Variants in RAB6A observed in about 807,000 individuals in gnomAD.
RAB6A encodes RAB6A, member RAS oncogene family.
Under a neutral mutation model 32.3 loss-of-function variants are expected in RAB6A, and 8 were observed. The ratio of observed to expected loss-of-function variants is 0.25; its 90% CI spans 0.15 to 0.45. The LOEUF is 0.45. RAB6A is among the 20% of genes least tolerant of loss of function. RAB6A has a pLI of 1.00. For synonymous variants in RAB6A, 73 were observed against 82.1 expected (o/e 0.89, Z 0.60); for missense variants, 104 against 249.4 (o/e 0.42, Z 3.93).
intron 5 of RAB6A, among the ~76,000 whole-genome samples, chr11:73,713,172 C>T (rs563434665): frequency 5.3e-5 from 8 of 152,322 alleles, no homozygotes; most frequent in Middle Eastern, 3.4e-3. Flanking sequence ...TAATAACCTC[C>T]AAACTTCTAA....
intron 1 of RAB6A, among the ~76,000 whole-genome samples, chr11:73,736,505 G>C (rs1265145698): frequency 1.3e-5 from 2 of 150,512 alleles, no homozygotes; most frequent in Non-Finnish European, 3.0e-5. Flanking sequence ...AACAAGTACA[G>C]TTGGCCAGGC....
chr11:73,717,278 T>C (rs1946066229), intron 4 of RAB6A, among the ~76,000 whole-genome samples: 1 of 152,232 alleles, frequency 6.6e-6, no homozygotes, highest in Admixed American at 6.5e-5. Context: ...AGTAACAGTA[T>C]TACTAGTCCA....
At position 73,692,618 on chromosome 11, in the gene RAB6A, G is replaced by T. The variant is rs182045925; in HGVS notation, c.496-12898C>A. Among the ~76,000 whole-genome samples the T allele has an allele frequency of 2.6e-3, 394 of 150,790 alleles. 1 individual carries two copies. Among genetic ancestry groups the T allele is most frequent in the African/African-American group, 9.2e-3 (377 of 41,042 alleles). On this transcript the variant is annotated intron_variant, in intron 6 of 7. Coordinates refer to ENST00000336083, the MANE Select transcript of RAB6A (RefSeq NM_198896.2). ...CATGCATAAGAGGGTTACAGTGAGG[G>T]AAAACTCTGACTAAATTAGATGAAC...
At chr11:73,690,377 CCTGT>C (rs1381639051) in intron 6 of RAB6A, among the ~76,000 whole-genome samples, 3 of 152,094 alleles carry the variant, frequency 2.0e-5, no homozygotes, top group Non-Finnish European at 2.9e-5. Context: ...TCTTCTTCCT[CCTGT>C]CTAATAAAAT....
chr11:73,753,854 T>C (rs998227515), intron 1 of RAB6A, among the ~76,000 whole-genome samples: 1 of 152,220 alleles, frequency 6.6e-6, no homozygotes, highest in African/African-American at 2.4e-5. Context: ...TCATGCTATA[T>C]TGTATTAAGT....
intron 6 of RAB6A, among the ~76,000 whole-genome samples, chr11:73,685,626 C>T (rs572604658): frequency 2.0e-5 from 1 of 49,438 alleles, no homozygotes; most frequent in Admixed American, 2.8e-4. Context: ...CGCCTGTAAT[C>T]CCAGGACTTT....
chr11:73,703,455 T>C (rs1278185476), intron 6 of RAB6A, among the ~76,000 whole-genome samples: 3 of 152,198 alleles, frequency 2.0e-5, no homozygotes, highest in Non-Finnish European at 2.9e-5. Context: ...AATTAAAAAA[T>C]TTCTGGCCAG....
chr11:73,717,587 G>A (rs1003171962), intron 4 of RAB6A, among the ~76,000 whole-genome samples: 4 of 152,194 alleles, frequency 2.6e-5, no homozygotes, highest in African/African-American at 2.4e-5. Flanking sequence ...TGGGATTACA[G>A]GCATGCACCA....
intron 1 of RAB6A, among the ~76,000 whole-genome samples, chr11:73,744,680 CAA>C (rs1164973888): frequency 6.6e-6 from 1 of 151,978 alleles, no homozygotes; most frequent in Non-Finnish European, 1.5e-5. Context: ...GTGGAAAGTT[CAA>C]AATAAGCACT....
At chr11:73,728,968 T>G (rs1030061311) in intron 2 of RAB6A, among the ~76,000 whole-genome samples, 17 of 152,196 alleles carry the variant, frequency 1.1e-4, no homozygotes, top group African/African-American at 3.9e-4. Flanking sequence ...ACTTATTAGA[T>G]ATATATTCCG....
chr11:73,734,149 G>A (rs192918373), intron 1 of RAB6A, among the ~76,000 whole-genome samples: 514 of 152,102 alleles, frequency 3.4e-3, no homozygotes, highest in Non-Finnish European at 5.1e-3. Flanking sequence ...TTTTTGAGAC[G>A]GGGTCTCACT....
intron 1 of RAB6A, among the ~76,000 whole-genome samples, chr11:73,748,117 G>C (rs1007850435): frequency 6.6e-6 from 1 of 152,128 alleles, no homozygotes. Context: ...AGTTATTACT[G>C]TGGTATTCTA....
At chr11:73,740,318 TTCCATC>T (rs1156501904) in intron 1 of RAB6A, among the ~76,000 whole-genome samples, 1 of 152,312 alleles carries the variant, frequency 6.6e-6, no homozygotes, top group African/African-American at 2.4e-5. Flanking sequence ...CTAGTCATTG[TTCCATC>T]CTGGTAACAA....
chr11:73,714,945 G>A (rs1034495365), intron 5 of RAB6A, among the ~76,000 whole-genome samples: 19 of 152,028 alleles, frequency 1.2e-4, no homozygotes, highest in African/African-American at 4.1e-4. Context: ...CAGCCTGGGC[G>A]ACGGAATGAG....
intron 1 of RAB6A, among the ~76,000 whole-genome samples, chr11:73,754,884 CAA>C (rs34568327): frequency 2.5e-4 from 37 of 148,754 alleles, no homozygotes; most frequent in Non-Finnish European, 2.8e-4. Context: ...GGGATGCAGT[CAA>C]AAAAAAAAAG....
intron 2 of RAB6A, among the ~76,000 whole-genome samples, chr11:73,725,543 C>T (rs1474706267): frequency 6.6e-6 from 1 of 152,096 alleles, no homozygotes; most frequent in African/African-American, 2.4e-5. Flanking sequence ...GCGAAAGGTA[C>T]TTCTTACATG....
At chr11:73,759,104 G>A (rs1396317789) in intron 1 of RAB6A, among the ~76,000 whole-genome samples, 1 of 152,162 alleles carries the variant, frequency 6.6e-6, no homozygotes, top group East Asian at 1.9e-4. Context: ...GTTCAAAGTA[G>A]TAATAAAAGC....
chr11:73,757,924 T>C (rs1946786376), intron 1 of RAB6A, among the ~76,000 whole-genome samples: 1 of 152,206 alleles, frequency 6.6e-6, no homozygotes, highest in Non-Finnish European at 1.5e-5. Context: ...CAAAAAAGAA[T>C]AGTTTTTATC....
At chr11:73,718,794 C>T (rs1946089922) in intron 3 of RAB6A, 76 bp from the exon 4 acceptor site, 2 of 1,613,864 alleles carry the variant, frequency 1.2e-6, no homozygotes, top group South Asian at 1.1e-5. Context: ...CTTGTGATAT[C>T]GTAAACTACT....
Sources: allele counts gnomAD v4.1 joint callset (sites outside exome capture counted in the v4.1 genomes callset), GRCh38; gene constraint gnomAD v4.1.1; transcripts MANE v1.5; gene names NCBI Gene and HGNC (gene_info 2026-07-23, HGNC 2026-07-21).